CACHD1: variants seen among roughly 807,000 people sequenced by gnomAD.
The protein encoded by CACHD1 is VWFA and cache domain-containing protein 1.
CACHD1 carries 71 observed loss-of-function variants against 138.7 expected under a neutral mutation model. The observed-to-expected ratio is 0.51, with a 90% CI of 0.42 to 0.62. The LOEUF (loss-of-function observed/expected upper bound fraction) is 0.62, where lower values mean the gene tolerates loss of function less well. Among genes scored for constraint, CACHD1 ranks in the 20% least tolerant of loss-of-function variants. The pLI is 0.00. For synonymous variants in CACHD1, 578 were observed against 591.5 expected, an observed-to-expected ratio of 0.98 and a Z score of 0.33; for missense variants, 1,389 against 1,625.3, an observed-to-expected ratio of 0.85 and a Z score of 2.50.
Position 64,679,630 on chromosome 1 carries a change from G to A in CACHD1, c.3280G>A (p.Ala1094Thr), listed in dbSNP as rs753954534. 1.5e-5 allele frequency: 24 copies of A among 1,614,044 alleles called. 1 individual carries two copies. Among genetic ancestry groups the A allele is most frequent in the African/African-American group, 5.3e-5 (4 of 74,914 alleles). ...EVITLNMIKS[A>T]PVGPVAGGIM... The stretch of plus-strand genomic sequence containing the variant: ...GATCACATTAAACATGATTAAAAGC[G>A]CCCCTGTGGGTCCTGTGGCTGGAGG... The change falls in exon 24 of 27, where the codon GCC becomes ACC. Residue 1094 changes from alanine (A) to threonine (T), a missense_variant. By Grantham distance (58) the Ala-to-Thr change is moderately conservative. Transcript: ENST00000651257.
chr1:64,496,964 G>A (rs1397203786), intron 1 of CACHD1, among the ~76,000 whole-genome samples: 1 of 151,866 alleles, frequency 6.6e-6, no homozygotes, highest in Non-Finnish European at 1.5e-5. Flanking sequence ...AAGATTAAAG[G>A]AGTCTAGCTG....
At chr1:64,558,332 C>T (rs982201771) in intron 2 of CACHD1, among the ~76,000 whole-genome samples, 3 of 152,206 alleles carry the variant, frequency 2.0e-5, no homozygotes, top group African/African-American at 4.8e-5. Flanking sequence ...GCTGTTCAGA[C>T]GAAGATCCCC....
chr1:64,628,864 A>ATTATGGCCTGTCTTTTTAAGTAC (rs1342576800), intron 4 of CACHD1, among the ~76,000 whole-genome samples: 1 of 152,184 alleles, frequency 6.6e-6, no homozygotes, highest in Admixed American at 6.5e-5. Context: ...TTACTGAATG[A>ATTATGGCCTGTCTTTTTAAGTAC]TTATGGCCTG....
intron 1 of CACHD1, among the ~76,000 whole-genome samples, chr1:64,523,309 T>C (rs1422677655): frequency 1.3e-5 from 2 of 152,196 alleles, no homozygotes; most frequent in East Asian, 1.9e-4. Flanking sequence ...GTAATGGGTA[T>C]GTGGGGGTTT....
intron 4 of CACHD1, among the ~76,000 whole-genome samples, chr1:64,607,899 C>T (rs1337216419): frequency 6.6e-6 from 1 of 152,146 alleles, no homozygotes; most frequent in Non-Finnish European, 1.5e-5. Context: ...AGATTACCTC[C>T]TGTTACTGAG....
intron 23 of CACHD1, among the ~76,000 whole-genome samples, chr1:64,678,683 C>T (rs1367801222): frequency 6.6e-6 from 1 of 152,178 alleles, no homozygotes; most frequent in Non-Finnish European, 1.5e-5. Flanking sequence ...CTAAAACCTT[C>T]ACTCACAACT....
chr1:64,669,117 A>G (rs1295494989), intron 16 of CACHD1, among the ~76,000 whole-genome samples: 3 of 152,238 alleles, frequency 2.0e-5, no homozygotes, highest in Non-Finnish European at 4.4e-5. Flanking sequence ...CTCCTAGAAC[A>G]GTGCCTGGTA....
intron 26 of CACHD1, among the ~76,000 whole-genome samples, chr1:64,685,282 G>T (rs1420937189): frequency 6.6e-6 from 1 of 152,272 alleles, no homozygotes; most frequent in African/African-American, 2.4e-5. Flanking sequence ...TAGAAGAATA[G>T]GCTATGCCAT....
At chr1:64,492,626 CA>C (rs1239569187) in intron 1 of CACHD1, among the ~76,000 whole-genome samples, 2 of 151,928 alleles carry the variant, frequency 1.3e-5, no homozygotes, top group Non-Finnish European at 2.9e-5. Context: ...AGGTGCCCAG[CA>C]GCGCTGTGCG....
chr1:64,517,704 C>T (rs143767052), intron 1 of CACHD1, among the ~76,000 whole-genome samples: 57 of 152,246 alleles, frequency 3.7e-4, no homozygotes, highest in Non-Finnish European at 4.4e-4. Flanking sequence ...TGAGGAATGA[C>T]GTGATTGACT....
chr1:64,514,682 T>C (rs1646446356), intron 1 of CACHD1, among the ~76,000 whole-genome samples: 1 of 152,210 alleles, frequency 6.6e-6, no homozygotes. Context: ...TAGCTTTTTA[T>C]GATGGTGTCA....
At chr1:64,541,790 C>T (rs1418577541) in intron 1 of CACHD1, among the ~76,000 whole-genome samples, 1 of 152,182 alleles carries the variant, frequency 6.6e-6, no homozygotes, top group Non-Finnish European at 1.5e-5. Flanking sequence ...TGTGATCATG[C>T]CACTGCACTC....
chr1:64,676,829 A>T, intron 21 of CACHD1, 66 bp from the exon 22 acceptor site: 1 of 1,292,886 alleles, frequency 7.7e-7, no homozygotes, highest in East Asian at 2.3e-5. Context: ...GCTGTTAAGG[A>T]CCAGGAGCAT....
At chr1:64,648,653 T>C (rs76040092) in intron 9 of CACHD1, among the ~76,000 whole-genome samples, 1,913 of 152,310 alleles carry the variant, frequency 0.013, 41 homozygotes, top group African/African-American at 0.043. Context: ...TTAAATGTAT[T>C]TTACCTTTGT....
chr1:64,562,091 C>T (rs979218644), intron 2 of CACHD1, among the ~76,000 whole-genome samples: 3 of 151,998 alleles, frequency 2.0e-5, no homozygotes, highest in African/African-American at 7.2e-5. Context: ...TTCTCTGCTT[C>T]CGTTTTCAGC....
chr1:64,638,926 CAG>C (rs949047662), intron 7 of CACHD1, among the ~76,000 whole-genome samples: 15 of 151,908 alleles, frequency 9.9e-5, no homozygotes, highest in African/African-American at 3.6e-4. Flanking sequence ...GGAATGGAGT[CAG>C]GGGTTGGACA....
At position 64,558,925 on chromosome 1, in the gene CACHD1, C is replaced by T. The variant is rs1646818467; in HGVS notation, c.261+8269C>T. ...AATATCACTGATCATTAGAGAAATG[C>T]AAATCAGAACCACAATGAGATACCA... On this transcript the variant is annotated intron_variant, in intron 2 of 26. Coordinates refer to ENST00000651257, the MANE Select transcript of CACHD1 (RefSeq NM_020925.4). Among the ~76,000 whole-genome samples, 6 of 152,120 alleles carry T rather than the reference C, an allele frequency of 3.9e-5. No homozygotes were observed. The South Asian group carries it at 1.2e-3, about 32-fold the overall frequency.
At chr1:64,652,621 A>G (rs1011883918) in intron 10 of CACHD1, among the ~76,000 whole-genome samples, 3 of 152,210 alleles carry the variant, frequency 2.0e-5, no homozygotes, top group African/African-American at 7.2e-5. Flanking sequence ...GAAATAATGC[A>G]GCCAACAAGC....
Position 64,647,889 on chromosome 1 carries a change from C to T in CACHD1, c.1245C>T (p.Ala415=), listed in dbSNP as rs145729734. 10 of 1,614,124 alleles carry T rather than the reference C, an allele frequency of 6.2e-6. No individual in the cohort carries two copies. In the African/African-American group the frequency reaches 1.3e-4, roughly 22 times the overall value. ...SGKYGVPDRM[A]LPVIKGSMMV... ...AGTACGGTGTGCCAGACCGGATGGC[C>T]TTGCCTGTGATTAAGGGCAGCATGA... Residue 415 remains alanine, a synonymous_variant, in exon 9 of 27, where the codon GCC becomes GCT. Coordinates refer to ENST00000651257, the MANE Select transcript of CACHD1 (RefSeq NM_020925.4).
Sources: gnomAD v4.1 joint callset for allele counts (sites outside exome capture counted in the v4.1 genomes callset) on GRCh38, gnomAD v4.1.1 for gene constraint, MANE v1.5 for transcripts, NCBI Gene and HGNC (gene_info 2026-07-23, HGNC 2026-07-21) for gene names.